Variants in KCNQ1 observed in about 807,000 individuals in gnomAD.
The protein encoded by KCNQ1 is potassium voltage-gated channel subfamily KQT member 1.
Under a neutral mutation model 72.4 loss-of-function variants are expected in KCNQ1, and 49 were observed. That is an observed-to-expected ratio of 0.68 (90% CI 0.54 to 0.86). KCNQ1 has a LOEUF of 0.86. Among genes scored for constraint, KCNQ1 ranks in the 40% least tolerant of loss-of-function variants. The pLI is 0.00. For synonymous variants in KCNQ1, 450 were observed against 412.6 expected, an observed-to-expected ratio of 1.09 and a Z score of -1.10; for missense variants, 790 against 945.1, an observed-to-expected ratio of 0.84 and a Z score of 2.15.
Position 2,769,103 on chromosome 11 carries a change from G to T in KCNQ1, c.1590+184G>T, listed in dbSNP as rs1332937928. ...TACCCCACCGAACCCCAGACAGCAG[G>T]CCCCTCAGAGGACCTATCCTTGGAG... On this transcript the variant is annotated intron_variant, in intron 12 of 15. Transcript: ENST00000155840. The surrounding 1 kb of genome is among the most constrained non-coding windows in gnomAD (Gnocchi z 4.6). Among the ~76,000 whole-genome samples, 4 of 152,096 alleles carry T rather than the reference G, an allele frequency of 2.6e-5. No homozygotes were observed. The highest frequency in any genetic ancestry group is 5.9e-5 in the Non-Finnish European group (4 of 68,022).
chr11:2,583,853 C>T (rs750021685), intron 7 of KCNQ1, among the ~76,000 whole-genome samples: 1 of 152,186 alleles, frequency 6.6e-6, no homozygotes, highest in Non-Finnish European at 1.5e-5. Context: ...GCTGCTACCA[C>T]GCCCCATGGA....
intron 10 of KCNQ1, chr11:2,615,805 G>T (rs368213126): frequency 1.3e-5 from 5 of 397,836 alleles, no homozygotes; most frequent in East Asian, 7.1e-5. Context: ...TTAAATAAAA[G>T]ATTTTAGTAT....
intron 6 of KCNQ1, among the ~76,000 whole-genome samples, chr11:2,574,766 T>C (rs1848395069): frequency 6.6e-6 from 1 of 152,166 alleles, no homozygotes; most frequent in Non-Finnish European, 1.5e-5. Flanking sequence ...GCTTCCAAAG[T>C]GCTGCAATGC....
rs1034518150 is a variant in KCNQ1, at chr11:2,593,273, C to T, written c.1393+4419C>T. ...CCCCTAGGAGGCCAGAGGAGACTTCCCCAAATTCACTGGTCCTGGAGGCCG... is the reference window on the plus strand; with the variant it reads ...CCCCTAGGAGGCCAGAGGAGACTTCTCCAAATTCACTGGTCCTGGAGGCCG... On this transcript the variant is annotated intron_variant, in intron 10 of 15. Transcript: ENST00000155840. The surrounding 1 kb of genome is among the most constrained non-coding windows in gnomAD (Gnocchi z 6.9). Among the ~76,000 whole-genome samples the T allele has an allele frequency of 6.6e-6, 1 of 152,164 alleles. No homozygotes were observed. Among genetic ancestry groups the T allele is most frequent in the South Asian group, 2.1e-4 (1 of 4,826 alleles).
chr11:2,590,946 C>T (rs1171383879), intron 10 of KCNQ1, among the ~76,000 whole-genome samples: 6 of 152,250 alleles, frequency 3.9e-5, no homozygotes, highest in African/African-American at 1.4e-4. Flanking sequence ...CACCACAGGT[C>T]ACCTGCTGTG....
intron 11 of KCNQ1, among the ~76,000 whole-genome samples, chr11:2,714,760 A>G (rs1448194803): frequency 6.6e-6 from 1 of 152,118 alleles, no homozygotes; most frequent in Non-Finnish European, 1.5e-5. Flanking sequence ...GTAGGAGAGC[A>G]TCTTGAGGGT....
chr11:2,503,118 A>G (rs1447196962), intron 1 of KCNQ1, among the ~76,000 whole-genome samples: 1 of 152,238 alleles, frequency 6.6e-6, no homozygotes. Context: ...AGGACATTGG[A>G]GTGGGCAAAG....
In KCNQ1 at chr11:2,603,838, G is replaced by A. The variant is rs147374562; in HGVS notation, c.1393+14984G>A. 8.5e-3 allele frequency among the ~76,000 whole-genome samples: 1,295 copies of A among 151,968 alleles called. 26 individuals carry two copies. Among genetic ancestry groups the A allele is most frequent in the South Asian group, 0.05 (239 of 4,798 alleles). ...CCCAAGTAGGTGGGATTACGGGCAC[G>A]CACCACCAAGCCCGGCTAATTTTTG... is the stretch of plus-strand genomic sequence containing the variant. On this transcript the variant is annotated intron_variant, in intron 10 of 15. Transcript: ENST00000155840. This position sits in a 1 kb window ranked among gnomAD's most constrained non-coding sequence, Gnocchi z 4.1.
chr11:2,460,022 C>T (rs1412318976), intron 1 of KCNQ1, among the ~76,000 whole-genome samples: 2 of 152,216 alleles, frequency 1.3e-5, no homozygotes, highest in Admixed American at 1.3e-4. Flanking sequence ...CACCCCAGTG[C>T]AGGTGTGGAA....
At position 2,683,519 on chromosome 11, in the gene KCNQ1, A is replaced by G; in HGVS notation, c.1514+21438A>G. On this transcript the variant is annotated intron_variant, in intron 11 of 15. Coordinates refer to ENST00000155840, the MANE Select transcript of KCNQ1 (RefSeq NM_000218.3). The surrounding 1 kb of genome is among the most constrained non-coding windows in gnomAD (Gnocchi z 4.7). ...CTTGTTAAAGCATAGAGCTTAGTTC[A>G]GAGTAAACATTTCTAAAAAAGAGGT... The G allele has an allele frequency of 2.5e-6, 1 of 398,660 alleles. No homozygotes were observed. Among genetic ancestry groups the G allele is most frequent in the South Asian group, 1.3e-4 (1 of 7,864 alleles). The allele number at this position is 398,660 out of a possible 1,614,324, so 24.7% of individuals were successfully genotyped here.
Position 2,711,938 on chromosome 11 carries a change from C to T in KCNQ1, c.1514+49857C>T, listed in dbSNP as rs907394542. On this transcript the variant is annotated intron_variant, in intron 11 of 15. Transcript: ENST00000155840. The surrounding 1 kb of genome is among the most constrained non-coding windows in gnomAD (Gnocchi z 5.4). ...AGGTGGCTGGGGCTGCTCACCTGCT[C>T]ACCTGTGTCCATCCCCTTGGGCAGC... Among the ~76,000 whole-genome samples the T allele has an allele frequency of 2.0e-5, 3 of 152,052 alleles. No homozygotes were observed. The highest frequency in any genetic ancestry group is 7.3e-5 in the African/African-American group (3 of 41,372).
At position 2,677,479 on chromosome 11, in the gene KCNQ1, A is replaced by C. The variant is rs1850314194; in HGVS notation, c.1514+15398A>C. 2.5e-6 allele frequency: 1 copy of C among 398,508 alleles called. No individual in the cohort carries two copies. Among genetic ancestry groups the C allele is most frequent in the South Asian group, 1.3e-4 (1 of 7,864 alleles). The allele number at this position is 398,508 out of a possible 1,614,324, so 24.7% of individuals were successfully genotyped here. ...CTTGGTCAAGCAGTGAAACCATGCC[A>C]TACTTCTACAAAAAATGATCCTCTC... On this transcript the variant is annotated intron_variant, in intron 11 of 15. Transcript: ENST00000155840. The surrounding 1 kb of genome is among the most constrained non-coding windows in gnomAD (Gnocchi z 4.5).
Position 2,564,666 on chromosome 11 carries a change from G to A in KCNQ1, c.478-5962G>A, listed in dbSNP as rs1848220959. ...AAGATCACAGTTCCTTGCGACCATC[G>A]CCACCATCCAGCTCCAGAGCTTTTT... On this transcript the variant is annotated intron_variant, in intron 2 of 15. Coordinates refer to ENST00000155840, the MANE Select transcript of KCNQ1 (RefSeq NM_000218.3). This position sits in a 1 kb window ranked among gnomAD's most constrained non-coding sequence, Gnocchi z 4.5. Among the ~76,000 whole-genome samples the A allele has an allele frequency of 6.6e-6, 1 of 152,042 alleles. No individual in the cohort carries two copies. The highest frequency in any genetic ancestry group is 1.5e-5 in the Non-Finnish European group (1 of 67,992).
intron 15 of KCNQ1, among the ~76,000 whole-genome samples, chr11:2,779,637 C>G (rs918969786): frequency 6.6e-6 from 1 of 152,174 alleles, no homozygotes; most frequent in Non-Finnish European, 1.5e-5. Context: ...GGCTCTGCCC[C>G]TGCTCCATGG....
At position 2,670,345 on chromosome 11, in the gene KCNQ1, G is replaced by T; in HGVS notation, c.1514+8264G>T. On this transcript the variant is annotated intron_variant, in intron 11 of 15. Transcript: ENST00000155840. The surrounding 1 kb of genome is among the most constrained non-coding windows in gnomAD (Gnocchi z 4.9). ...ATGGTAGCAGAGTTCAGACTCAGTGGCTTTCAGATGGTTAGTATAGGCTGA... is the reference window on the plus strand; with the variant it reads ...ATGGTAGCAGAGTTCAGACTCAGTGTCTTTCAGATGGTTAGTATAGGCTGA... 2 of 398,566 alleles carry T rather than the reference G, an allele frequency of 5.0e-6. No individual in the cohort carries two copies. The allele number at this position is 398,566 out of a possible 1,614,324, so 24.7% of individuals were successfully genotyped here.
rs149646967 is a variant in KCNQ1, at chr11:2,614,606, G to C, written c.1393+25752G>C. 1.4e-3 allele frequency: 553 copies of C among 398,498 alleles called. 1 individual carries two copies. Among genetic ancestry groups the C allele is most frequent in the African/African-American group, 1.0e-2 (486 of 48,736 alleles). 24.7% of individuals were successfully genotyped at this position (398,498 alleles called of 1,614,324 possible). The stretch of plus-strand genomic sequence containing the variant: ...TCATTCTTTGATATATGAGGATCCA[G>C]TTGCCCCAGCACCATTTGTTAAAAG... On this transcript the variant is annotated intron_variant, in intron 10 of 15. Transcript: ENST00000155840.
Position 2,848,823 on chromosome 11 carries a change from A to T in KCNQ1, c.*820A>T, listed in dbSNP as rs1364751390. 6.6e-6 allele frequency: 3 copies of T among 454,050 alleles called. No individual in the cohort carries two copies. Among genetic ancestry groups the T allele is most frequent in the Non-Finnish European group, 1.3e-5 (3 of 226,804 alleles). The allele number at this position is 454,050 out of a possible 1,614,324, so 28.1% of individuals were successfully genotyped here. ...TGCCACCTCCCCTTGCCAGCTGCTG[A>T]GCCGCAGAGAAGTGACGGTTCCTAC... On this transcript the variant is annotated 3_prime_UTR_variant, in exon 16 of 16. Coordinates refer to ENST00000155840, the MANE Select transcript of KCNQ1 (RefSeq NM_000218.3).
rs993213366 is a variant in KCNQ1, at chr11:2,482,202, G to T, written c.386+36718G>T. On this transcript the variant is annotated intron_variant, in intron 1 of 15. Coordinates refer to ENST00000155840, the MANE Select transcript of KCNQ1 (RefSeq NM_000218.3). This position sits in a 1 kb window ranked among gnomAD's most constrained non-coding sequence, Gnocchi z 5.7. ...CCCCTATCACTGCGTGTGTGTGTGT[G>T]TATATGTGTGTGTGTGCATACTTGC... is the stretch of plus-strand genomic sequence containing the variant. 2.0e-5 allele frequency among the ~76,000 whole-genome samples: 3 copies of T among 152,118 alleles called. No individual in the cohort carries two copies. Among genetic ancestry groups the T allele is most frequent in the African/African-American group, 7.2e-5 (3 of 41,418 alleles).
At position 2,536,580 on chromosome 11, in the gene KCNQ1, G is replaced by A. The variant is rs1044670974; in HGVS notation, c.477+8562G>A. On this transcript the variant is annotated intron_variant, in intron 2 of 15. Coordinates refer to ENST00000155840, the MANE Select transcript of KCNQ1 (RefSeq NM_000218.3). The surrounding 1 kb of genome is among the most constrained non-coding windows in gnomAD (Gnocchi z 7.4). Reference sequence around the variant, plus strand: ...TGAGGCCACCCGCTACAGCTTCTTGGGACCTCCCTCTCTCAGGCGGGTCTG... The same window carrying A: ...TGAGGCCACCCGCTACAGCTTCTTGAGACCTCCCTCTCTCAGGCGGGTCTG... Among the ~76,000 whole-genome samples, 6 of 152,172 alleles carry A rather than the reference G, an allele frequency of 3.9e-5. No homozygotes were observed. Among genetic ancestry groups the A allele is most frequent in the African/African-American group, 1.2e-4 (5 of 41,446 alleles).
Sources: allele counts gnomAD v4.1 joint callset (sites outside exome capture counted in the v4.1 genomes callset), GRCh38; gene constraint gnomAD v4.1.1; non-coding constraint Gnocchi (gnomAD v3.1); transcripts MANE v1.5; gene names NCBI Gene and HGNC (gene_info 2026-07-23, HGNC 2026-07-21).